The following CA12 variants were observed in gnomAD, a reference collection of about 807,000 sequenced individuals.
CA12 encodes the protein carbonate dehydratase XII.
A neutral mutation model predicts 46.8 loss-of-function variants in CA12; 36 were observed. The ratio of observed to expected loss-of-function variants is 0.77; its 90% CI spans 0.59 to 1.02. The LOEUF (loss-of-function observed/expected upper bound fraction) is 1.02. Among genes scored for constraint, CA12 ranks in the 50% least tolerant of loss-of-function variants. The pLI, the probability that CA12 is intolerant of heterozygous loss-of-function variation, is 0.00. For missense variants in CA12, 436 were observed against 451.4 expected (o/e 0.97, Z 0.31); for synonymous variants, 202 against 187.0 (o/e 1.08, Z -0.65).
At chr15:63,349,776 T>C (rs1391646992) in intron 2 of CA12, among the ~76,000 whole-genome samples, 1 of 152,128 alleles carries the variant, frequency 6.6e-6, no homozygotes, top group East Asian at 1.9e-4. Context: ...ACGCTGTCCT[T>C]GAAGACAAGG....
chr15:63,337,465 GT>G (rs912002019), intron 8 of CA12, among the ~76,000 whole-genome samples: 7 of 151,144 alleles, frequency 4.6e-5, no homozygotes, highest in African/African-American at 9.7e-5. Context: ...TTGTTTTTTG[GT>G]TTTTTTTTGA....
rs2039064978 is a variant in CA12, at chr15:63,340,520, T to C, written c.590-75A>G. 6.3e-7 allele frequency: 1 copy of C among 1,587,952 alleles called. No individual in the cohort carries two copies. Among genetic ancestry groups the C allele is most frequent in the Non-Finnish European group, 8.6e-7 (1 of 1,156,222 alleles). ...CATAAGTGCAGCTGAACAGAGCGACTGAGCCTAGAAACATGAACTAGCCCC... is the reference window on the plus strand; with the variant it reads ...CATAAGTGCAGCTGAACAGAGCGACCGAGCCTAGAAACATGAACTAGCCCC... On this transcript the variant is annotated intron_variant, in intron 6 of 10. Transcript: ENST00000178638. The surrounding 1 kb of genome is among the most constrained non-coding windows in gnomAD (Gnocchi z 4.4).
chr15:63,379,377 C>CGT lies in CA12; in HGVS notation c.85+2257_85+2258dup, dbSNP rs149641898. Among the ~76,000 whole-genome samples, 19 of 151,932 alleles carry CGT rather than the reference C, an allele frequency of 1.3e-4. No homozygotes were observed. In the East Asian group the frequency reaches 2.9e-3, roughly 23 times the overall value. On this transcript the variant is annotated intron_variant, in intron 1 of 10. Transcript: ENST00000178638. ...CTCTCTAAAAGTGTGTGTATGTGTG[C>CGT]GTGTGTGTGTGTGCACGCGCACGAA...
At chr15:63,376,246 C>A (rs1484431000) in intron 1 of CA12, among the ~76,000 whole-genome samples, 1 of 152,184 alleles carries the variant, frequency 6.6e-6, no homozygotes, top group Non-Finnish European at 1.5e-5. Context: ...GCCTTCCAGA[C>A]ATCTTAGAGA....
chr15:63,334,138 C>A (rs28702470), intron 8 of CA12, among the ~76,000 whole-genome samples: 4,335 of 151,980 alleles, frequency 0.029, 209 homozygotes, highest in African/African-American at 0.099. Flanking sequence ...TGACTTGAAA[C>A]CCGAACTGGC....
At chr15:63,369,024 A>G (rs1390413982) in intron 2 of CA12, among the ~76,000 whole-genome samples, 2 of 152,174 alleles carry the variant, frequency 1.3e-5, no homozygotes, top group Non-Finnish European at 2.9e-5. Context: ...GGAACCAGAT[A>G]TCTGGTTCCT....
In CA12 at chr15:63,373,322, G is replaced by A. The variant is rs568344435; in HGVS notation, c.106+2336C>T. ...AGAGGTTGCAGTGAGCCAAGATCAC[G>A]CCACTGCACTCCACCCTGGGTGAGA... On this transcript the variant is annotated intron_variant, in intron 2 of 10. Transcript: ENST00000178638. This position sits in a 1 kb window ranked among gnomAD's most constrained non-coding sequence, Gnocchi z 4.9. Among the ~76,000 whole-genome samples the A allele has an allele frequency of 4.7e-5, 7 of 149,598 alleles. No homozygotes were observed. The highest frequency in any genetic ancestry group is 1.7e-4 in the African/African-American group (7 of 40,482).
intron 1 of CA12, 133 bp from the exon 2 acceptor site, chr15:63,375,811 CTT>C (rs200331670): frequency 7.4e-3 from 3,629 of 493,300 alleles, no homozygotes; most frequent in East Asian, 9.2e-3. Flanking sequence ...TTTTCTTTTT[CTT>C]TTTTTTTTTT....
Position 63,330,049 on chromosome 15 carries a change from G to C in CA12, c.875-1919C>G, listed in dbSNP as rs556880950. ...GGGAGAAGAGCTGTCCCCAAGGACAGGGAAGCCTATTCTCCCTACTCTGCT... is the reference window on the plus strand; with the variant it reads ...GGGAGAAGAGCTGTCCCCAAGGACACGGAAGCCTATTCTCCCTACTCTGCT... On this transcript the variant is annotated intron_variant, in intron 8 of 10. Transcript: ENST00000178638. This position sits in a 1 kb window ranked among gnomAD's most constrained non-coding sequence, Gnocchi z 4.0. 3.7e-4 allele frequency among the ~76,000 whole-genome samples: 56 copies of C among 152,344 alleles called. No individual in the cohort carries two copies. The highest frequency in any genetic ancestry group is 3.4e-3 in the Middle Eastern group (1 of 294).
rs926309693 is a variant in CA12 at position 63,327,782 on chromosome 15, G to A, written c.907+316C>T. ...CAGTAGTCCATTGCCAAGGTCATGC[G>A]GCCTGTCAGCTGACCTCCACAATGG... On this transcript the variant is annotated intron_variant, in intron 9 of 10. Coordinates refer to ENST00000178638, the MANE Select transcript of CA12 (RefSeq NM_001218.5). This position sits in a 1 kb window ranked among gnomAD's most constrained non-coding sequence, Gnocchi z 4.5. Among the ~76,000 whole-genome samples, 4 of 152,096 alleles carry A rather than the reference G, an allele frequency of 2.6e-5. No homozygotes were observed. Among genetic ancestry groups the A allele is most frequent in the East Asian group, 1.9e-4 (1 of 5,196 alleles).
chr15:63,333,037 C>T (rs2038955819), intron 8 of CA12, among the ~76,000 whole-genome samples: 1 of 152,212 alleles, frequency 6.6e-6, no homozygotes, highest in Non-Finnish European at 1.5e-5. Context: ...GTGGTTCTGG[C>T]TGCACTGAGG....
chr15:63,357,299 C>T lies in CA12; in HGVS notation c.107-10590G>A, dbSNP rs561143292. ...AGTTTCTGATTCAGTACTTCACGGA[C>T]GGAGCCCTAGCATCTGCATTTCTAA... On this transcript the variant is annotated intron_variant, in intron 2 of 10. Coordinates refer to ENST00000178638, the MANE Select transcript of CA12 (RefSeq NM_001218.5). Among the ~76,000 whole-genome samples the T allele has an allele frequency of 2.1e-4, 32 of 152,312 alleles. No individual in the cohort carries two copies. The South Asian group carries it at 5.4e-3, about 26-fold the overall frequency.
chr15:63,371,138 C>T (rs950515451), intron 2 of CA12, among the ~76,000 whole-genome samples: 2 of 152,178 alleles, frequency 1.3e-5, no homozygotes, highest in African/African-American at 4.8e-5. Flanking sequence ...TGGGAAGAGG[C>T]TGAGAGGGTG....
intron 2 of CA12, among the ~76,000 whole-genome samples, chr15:63,363,799 A>G (rs910451576): frequency 6.6e-5 from 10 of 152,232 alleles, no homozygotes; most frequent in Non-Finnish European, 1.3e-4. Flanking sequence ...CTGACAGGGC[A>G]TCTGTGCAGA....
chr15:63,361,031 A>G (rs900965918), intron 2 of CA12, among the ~76,000 whole-genome samples: 10 of 152,208 alleles, frequency 6.6e-5, no homozygotes, highest in African/African-American at 1.4e-4. Context: ...CATCGGATGT[A>G]AATACAGTGA....
Position 63,371,412 on chromosome 15 carries a change from G to A in CA12, c.106+4246C>T, listed in dbSNP as rs1277710672. Among the ~76,000 whole-genome samples the A allele has an allele frequency of 2.6e-5, 4 of 152,180 alleles. No homozygotes were observed. In the South Asian group the frequency reaches 6.2e-4, roughly 24 times the overall value. ...CCTGCCAGAGCCGAGGGCCACGAGG[G>A]CTGGCCTGCCGCAACAGAGAACTGG... is the stretch of plus-strand genomic sequence containing the variant. On this transcript the variant is annotated intron_variant, in intron 2 of 10. Transcript: ENST00000178638.
At chr15:63,369,837 A>T (rs1391353983) in intron 2 of CA12, among the ~76,000 whole-genome samples, 1 of 152,076 alleles carries the variant, frequency 6.6e-6, no homozygotes, top group East Asian at 1.9e-4. Context: ...CCTCTGTTCC[A>T]CTATGCCTGT....
At position 63,381,737 on chromosome 15, in the gene CA12, G is replaced by A; in HGVS notation, c.-17C>T. 6.4e-7 allele frequency: 1 copy of A among 1,561,612 alleles called. No individual in the cohort carries two copies. Among genetic ancestry groups the A allele is most frequent in the Non-Finnish European group, 8.7e-7 (1 of 1,152,674 alleles). On this transcript the variant is annotated 5_prime_UTR_variant, in exon 1 of 11. Coordinates refer to ENST00000178638, the MANE Select transcript of CA12 (RefSeq NM_001218.5). ...CCGGGGCATCTTCGCGGGCTCCTGC[G>A]GGGCGGGCGCGGGCTGTGCCGGGGG...
intron 2 of CA12, among the ~76,000 whole-genome samples, chr15:63,364,330 T>TAAAAAAAAAAA (rs2039407555): frequency 9.1e-4 from 2 of 2,204 alleles, no homozygotes; most frequent in Non-Finnish European, 1.8e-3. Context: ...ACCCCGTCAC[T>TAAAAAAAAAAA]AGAAAAAAAA....
Sources: allele counts gnomAD v4.1 joint callset (sites outside exome capture counted in the v4.1 genomes callset), GRCh38; gene constraint gnomAD v4.1.1; non-coding constraint Gnocchi (gnomAD v3.1); transcripts MANE v1.5; gene names NCBI Gene and HGNC (gene_info 2026-07-23, HGNC 2026-07-21).